The following FUBP3 variants were observed in gnomAD, a reference collection of about 807,000 sequenced individuals.
FUBP3 encodes the protein far upstream element-binding protein 3.
Under a neutral mutation model 85.6 loss-of-function variants are expected in FUBP3, and 28 were observed. That is an observed-to-expected ratio of 0.33 (90% confidence interval 0.24 to 0.45). FUBP3 has a LOEUF of 0.45. Among genes scored for constraint, FUBP3 ranks in the 20% least tolerant of loss-of-function variants. The pLI is 1.00. For synonymous variants in FUBP3, 271 were observed against 271.4 expected (o/e 1.00, Z 0.01); for missense variants, 583 against 755.1 (o/e 0.77, Z 2.67).
intron 1 of FUBP3, among the ~76,000 whole-genome samples, chr9:130,587,837 C>T (rs959410666): frequency 6.6e-6 from 1 of 152,126 alleles, no homozygotes; most frequent in Non-Finnish European, 1.5e-5. Flanking sequence ...GTGTAACCAA[C>T]ATAACATACT....
At chr9:130,595,170 G>C (rs1830808792) in intron 1 of FUBP3, among the ~76,000 whole-genome samples, 1 of 147,754 alleles carries the variant, frequency 6.8e-6, no homozygotes, top group Non-Finnish European at 1.5e-5. Flanking sequence ...AGGTTGCGGT[G>C]AGCCAAGATC....
chr9:130,612,139 G>C lies in FUBP3; in HGVS notation c.225-317G>C, dbSNP rs1831777094. 6.6e-6 allele frequency among the ~76,000 whole-genome samples: 1 copy of C among 152,210 alleles called. No individual in the cohort carries two copies. Among genetic ancestry groups the C allele is most frequent in the African/African-American group, 2.4e-5 (1 of 41,454 alleles). On this transcript the variant is annotated intron_variant, in intron 3 of 18. Coordinates refer to ENST00000319725, the MANE Select transcript of FUBP3 (RefSeq NM_003934.2). This position sits in a 1 kb window ranked among gnomAD's most constrained non-coding sequence, Gnocchi z 4.1. ...CCATTGGTTAGAGAGCACCTAACCA[G>C]GCAGAATGAGGCAACACTGAGAGGT... is the stretch of plus-strand genomic sequence containing the variant.
chr9:130,583,340 A>C (rs1256609525), intron 1 of FUBP3, among the ~76,000 whole-genome samples: 1 of 152,228 alleles, frequency 6.6e-6, no homozygotes, highest in Non-Finnish European at 1.5e-5. Flanking sequence ...TAATGCTTTA[A>C]GATTCTGACT....
At chr9:130,601,725 C>T (rs942960628) in intron 2 of FUBP3, among the ~76,000 whole-genome samples, 20 of 151,618 alleles carry the variant, frequency 1.3e-4, no homozygotes, top group Non-Finnish European at 2.5e-4. Flanking sequence ...TTCATGACTT[C>T]GTTTTCCACG....
At chr9:130,601,408 T>G (rs1484624758) in intron 2 of FUBP3, among the ~76,000 whole-genome samples, 1 of 152,192 alleles carries the variant, frequency 6.6e-6, no homozygotes, top group African/African-American at 2.4e-5. Flanking sequence ...CAGGAGCATT[T>G]TTAGGAGCTT....
intron 10 of FUBP3, 36 bp from the exon 11 acceptor site, chr9:130,623,575 C>CT: frequency 7.3e-7 from 1 of 1,367,114 alleles, no homozygotes; most frequent in Non-Finnish European, 1.0e-6. Flanking sequence ...TAACGTTGGG[C>CT]TTTTTTCTAA....
intron 2 of FUBP3, among the ~76,000 whole-genome samples, chr9:130,597,786 G>A (rs560116478): frequency 6.6e-6 from 1 of 152,192 alleles, no homozygotes; most frequent in African/African-American, 2.4e-5. Context: ...CAGAAGACAC[G>A]ATTAATTTTA....
rs975429181 is a variant in FUBP3 at position 130,637,716 on chromosome 9, A to G, written c.*694A>G. ...TAGCCTACGTTTTTCTCATGCCTCC[A>G]TTACCAGTTGCAATTGTGTATCTAA... On this transcript the variant is annotated 3_prime_UTR_variant, in exon 19 of 19. Transcript: ENST00000319725. The G allele has an allele frequency of 2.6e-5, 4 of 152,458 alleles. No individual in the cohort carries two copies. Among genetic ancestry groups the G allele is most frequent in the African/African-American group, 9.6e-5 (4 of 41,452 alleles). 9.4% of individuals were successfully genotyped at this position (152,458 alleles called of 1,614,324 possible).
Position 130,631,620 on chromosome 9 carries a change from C to T in FUBP3, c.1342C>T (p.Pro448Ser), listed in dbSNP as rs1030806926. The T allele has an allele frequency of 6.2e-7, 1 of 1,612,642 alleles. No homozygotes were observed. ...QSPFSQPPAP[P>S]HQNTFPPRSS... ...TCCATTCAGCCAGCCACCTGCCCCA[C>T]CTCATCAAAAGTGAGTCTTTTGCAT... The change falls in exon 14 of 19, where the codon CCT becomes TCT. Residue 448 changes from proline to serine, a missense_variant. This residue lies in a region of FUBP3 where 404 missense variants were observed against 516.8 expected (regional missense o/e 0.78). Coordinates refer to ENST00000319725, the MANE Select transcript of FUBP3 (RefSeq NM_003934.2).
chr9:130,632,427 C>T (rs1305453067), intron 16 of FUBP3, 149 bp downstream of exon 16: 5 of 650,728 alleles, frequency 7.7e-6, no homozygotes, highest in African/African-American at 7.2e-5. Flanking sequence ...GGGGCTTGGG[C>T]CCTCCTGCAG....
In FUBP3 at chr9:130,626,262, G is replaced by A. The variant is rs1243711326; in HGVS notation, c.976-102G>A. ...GGAAAGGTGCTAGGTTCTGATGGGT[G>A]GCATTGATTACATCCTGTCACTTAA... On this transcript the variant is annotated intron_variant, in intron 11 of 18. Coordinates refer to ENST00000319725, the MANE Select transcript of FUBP3 (RefSeq NM_003934.2). 5.8e-6 allele frequency: 7 copies of A among 1,214,262 alleles called. No individual in the cohort carries two copies. The Admixed American group carries it at 6.6e-5, about 11-fold the overall frequency. 75.2% of individuals were successfully genotyped at this position (1,214,262 alleles called of 1,614,324 possible).
intron 2 of FUBP3, among the ~76,000 whole-genome samples, chr9:130,606,601 A>G (rs1310404546): frequency 6.6e-6 from 1 of 152,058 alleles, no homozygotes; most frequent in Non-Finnish European, 1.5e-5. Flanking sequence ...TGGGCGGATC[A>G]CCTGAGGTCG....
chr9:130,589,270 C>T (rs944069124), intron 1 of FUBP3, among the ~76,000 whole-genome samples: 2 of 151,848 alleles, frequency 1.3e-5, no homozygotes, highest in African/African-American at 4.8e-5. Context: ...ATTTGTGTAC[C>T]ACCTTTATGA....
intron 1 of FUBP3, among the ~76,000 whole-genome samples, chr9:130,582,770 A>G (rs1588107949): frequency 6.6e-6 from 1 of 152,200 alleles, no homozygotes; most frequent in East Asian, 1.9e-4. Flanking sequence ...TAGAAGGTCT[A>G]CCATTGATAA....
At chr9:130,590,992 T>C (rs1830597953) in intron 1 of FUBP3, among the ~76,000 whole-genome samples, 1 of 144,878 alleles carries the variant, frequency 6.9e-6, no homozygotes, top group Non-Finnish European at 1.5e-5. Flanking sequence ...TGCCACTTTT[T>C]ATTTTTGTTT....
rs948919509 is a variant in FUBP3, at chr9:130,635,902, C to T, written c.1583-97C>T. 35 of 1,283,016 alleles carry T rather than the reference C, an allele frequency of 2.7e-5. No homozygotes were observed. In the South Asian group the frequency reaches 4.0e-4, roughly 15 times the overall value. The allele number at this position is 1,283,016 out of a possible 1,614,324, so 79.5% of individuals were successfully genotyped here. A position where few individuals can be genotyped will look rare whatever the true frequency, so the allele number is the denominator to read the frequency against. Reference sequence around the variant, plus strand: ...CTCCCAGACCTCCCTGCCTTCCAGCCGTCCGGAGGGAGAGCAGATGCCCAG... The same window carrying T: ...CTCCCAGACCTCCCTGCCTTCCAGCTGTCCGGAGGGAGAGCAGATGCCCAG... On this transcript the variant is annotated intron_variant, in intron 17 of 18. Coordinates refer to ENST00000319725, the MANE Select transcript of FUBP3 (RefSeq NM_003934.2). This position sits in a 1 kb window ranked among gnomAD's most constrained non-coding sequence, Gnocchi z 4.3.
intron 18 of FUBP3, among the ~76,000 whole-genome samples, chr9:130,636,758 C>T (rs1830435543): frequency 1.3e-5 from 2 of 152,230 alleles, no homozygotes; most frequent in Admixed American, 1.3e-4. Flanking sequence ...GGTTGGGCCT[C>T]TCACTGCCAA....
At position 130,616,137 on chromosome 9, in the gene FUBP3, T is replaced by A. The variant is rs1215816895; in HGVS notation, c.405-218T>A. Reference sequence around the variant, plus strand: ...TTGAAAGGGGCGGCAAGGCTCTGTGTCACAGCGTTGGTACTGTGGTGTGTG... The same window carrying A: ...TTGAAAGGGGCGGCAAGGCTCTGTGACACAGCGTTGGTACTGTGGTGTGTG... On this transcript the variant is annotated intron_variant, in intron 6 of 18. Transcript: ENST00000319725. The surrounding 1 kb of genome is among the most constrained non-coding windows in gnomAD (Gnocchi z 4.7). 6.6e-6 allele frequency among the ~76,000 whole-genome samples: 1 copy of A among 152,154 alleles called. No individual in the cohort carries two copies. Among genetic ancestry groups the A allele is most frequent in the Non-Finnish European group, 1.5e-5 (1 of 68,032 alleles).
intron 12 of FUBP3, among the ~76,000 whole-genome samples, chr9:130,629,016 G>T (rs772061795): frequency 1.4e-4 from 21 of 152,310 alleles, no homozygotes; most frequent in African/African-American, 5.1e-4. Flanking sequence ...TGATCCACTC[G>T]CCTTGGCCTC....
Sources: allele counts gnomAD v4.1 joint callset (sites outside exome capture counted in the v4.1 genomes callset), GRCh38; gene constraint gnomAD v4.1.1; regional missense constraint gnomAD v4.1.1; non-coding constraint Gnocchi (gnomAD v3.1); transcripts MANE v1.5; gene names NCBI Gene and HGNC (gene_info 2026-07-23, HGNC 2026-07-21).